Variants in TRMT1 observed in about 807,000 individuals in gnomAD.
The protein encoded by TRMT1 is tRNA (guanine(26)-N(2))-dimethyltransferase.
A neutral mutation model predicts 75.4 loss-of-function variants in TRMT1; 63 were observed. The observed-to-expected ratio is 0.84, with a 90% CI of 0.68 to 1.03. The LOEUF is 1.03. Among genes scored for constraint, TRMT1 ranks in the 50% least tolerant of loss-of-function variants. TRMT1 has a pLI of 0.00. For synonymous variants in TRMT1, 382 were observed against 358.1 expected (o/e 1.07, Z -0.75); for missense variants, 870 against 905.3 (o/e 0.96, Z 0.50).
Position 13,105,325 on chromosome 19 carries a change from T to G in TRMT1, c.1775A>C (p.Glu592Ala), listed in dbSNP as rs756288684. The G allele has an allele frequency of 1.2e-6, 2 of 1,614,018 alleles. No homozygotes were observed. Among genetic ancestry groups the G allele is most frequent in the Admixed American group, 3.3e-5 (2 of 60,026 alleles). Residue 592 changes from glutamate (E) to alanine (A), a missense_variant, in exon 16 of 17, where the codon GAA (glutamate) becomes GCA (alanine). Physicochemically the swap from Glu to Ala is moderately radical, Grantham distance 107. Transcript: ENST00000357720. ...LLQNKRKEPP[E>A]DVAQRAARLK... ...CCGGGCAGCCCGCTGGGCCACATCT[T>G]CCGGCGGCTCCTTCCGCTTGTTCTG...
At position 13,107,651 on chromosome 19, in the gene TRMT1, C is replaced by T; in HGVS notation, c.1507-1G>A. The T allele has an allele frequency of 6.2e-7, 1 of 1,604,524 alleles. No homozygotes were observed. Among genetic ancestry groups the T allele is most frequent in the Non-Finnish European group, 8.5e-7 (1 of 1,174,574 alleles). On this transcript the variant is annotated splice_acceptor_variant, in intron 13 of 16. Transcript: ENST00000357720. LOFTEE classifies it high-confidence loss of function. Reference sequence around the variant, plus strand: ...CCCGTTTCACCGGACATTCCTTCTCCTGGGGGCAGAGGTCAGAGGTTAGGG... The same window carrying T: ...CCCGTTTCACCGGACATTCCTTCTCTTGGGGGCAGAGGTCAGAGGTTAGGG...
At chr19:13,112,610 G>A (rs2019183677) in intron 7 of TRMT1, 95 bp downstream of exon 7, 2 of 1,204,652 alleles carry the variant, frequency 1.7e-6, no homozygotes, top group Non-Finnish European at 2.4e-6. Flanking sequence ...GGAGGAAGCT[G>A]AGCAGGTCTG....
intron 7 of TRMT1, 33 bp downstream of exon 7, chr19:13,112,672 G>A (rs775406867): frequency 6.3e-7 from 1 of 1,595,912 alleles, no homozygotes; most frequent in Non-Finnish European, 8.5e-7. Flanking sequence ...CTGTCCCCCG[G>A]TCTCCCTGGC....
intron 12 of TRMT1, among the ~76,000 whole-genome samples, chr19:13,109,110 A>G (rs1054468704): frequency 1.6e-4 from 24 of 147,670 alleles, no homozygotes; most frequent in African/African-American, 5.2e-4. Context: ...GTGTGTGTGT[A>G]TACATACGTA....
intron 1 of TRMT1, 54 bp from the exon 2 acceptor site, chr19:13,116,485 GC>G: frequency 6.6e-7 from 1 of 1,508,690 alleles, no homozygotes; most frequent in Non-Finnish European, 8.8e-7. Context: ...CGCATTCCGG[GC>G]CCGGGGATGT....
rs771371516 is a variant in TRMT1, at chr19:13,110,145, C to A, written c.1019+13G>T. ...TCTCTCAATCCACCACCGCTCTCTG[C>A]CCCCGGGCTGACCTGGCTGAGGCCT... On this transcript the variant is annotated intron_variant, in intron 8 of 16. Transcript: ENST00000357720. 3 of 1,611,756 alleles carry A rather than the reference C, an allele frequency of 1.9e-6. No homozygotes were observed. The Admixed American group carries it at 5.0e-5, about 27-fold the overall frequency.
chr19:13,109,749 C>T lies in TRMT1; in HGVS notation c.1176+20G>A. Reference sequence around the variant, plus strand: ...CTTCAAGACCCTCTTGCTCCTTTGCCTCCCCTGGCCTAGCCCTACCTGGTG... The same window carrying T: ...CTTCAAGACCCTCTTGCTCCTTTGCTTCCCCTGGCCTAGCCCTACCTGGTG... On this transcript the variant is annotated intron_variant, in intron 10 of 16. Coordinates refer to ENST00000357720, the MANE Select transcript of TRMT1 (RefSeq NM_001136035.4). The T allele has an allele frequency of 6.2e-7, 1 of 1,614,090 alleles. No individual in the cohort carries two copies. Among genetic ancestry groups the T allele is most frequent in the Non-Finnish European group, 8.5e-7 (1 of 1,180,008 alleles).
rs995506289 is a variant in TRMT1 at position 13,112,953 on chromosome 19, G to A, written c.700C>T (p.Pro234Ser). 1.9e-6 allele frequency: 3 copies of A among 1,613,820 alleles called. No homozygotes were observed. The African/African-American group carries it at 4.0e-5, about 22-fold the overall frequency. Residue 234 changes from proline to serine, a missense_variant, in exon 6 of 17, where the codon CCC (proline) becomes TCC (serine). Physicochemically the swap from Pro to Ser is moderately conservative, Grantham distance 74. Coordinates refer to ENST00000357720, the MANE Select transcript of TRMT1 (RefSeq NM_001136035.4). ...SERFDVIDLD[P>S]YGSPATFLDA... ...AGGAAGGTGGCTGGGCTGCCATAGG[G>A]GTCCAGATCGATGACGTCAAACCTC...
Position 13,110,246 on chromosome 19 carries a change from C to A in TRMT1, c.931G>T (p.Val311Leu), listed in dbSNP as rs1208523013. 6 of 1,613,156 alleles carry A rather than the reference C, an allele frequency of 3.7e-6. No individual in the cohort carries two copies. Among genetic ancestry groups the A allele is most frequent in the Non-Finnish European group, 5.1e-6 (6 of 1,179,958 alleles). ...TCAGCGCTGATGCTGAGCAGCGGCA[C>A]CACGAAGCGCTGGTAGCAGTTGGCG... ...LRANCYQRFVVPLLSISADFY... is the reference protein window; with the variant it reads ...LRANCYQRFVLPLLSISADFY... Residue 311 changes from valine to leucine, a missense_variant, in exon 8 of 17, where the codon GTG becomes TTG. Transcript: ENST00000357720.
chr19:13,105,528 G>A lies in TRMT1; in HGVS notation c.1662C>T (p.Asn554=). 1.9e-6 allele frequency: 3 copies of A among 1,614,062 alleles called. No homozygotes were observed. The highest frequency in any genetic ancestry group is 1.3e-5 in the African/African-American group (1 of 75,046). The change falls in exon 15 of 17, where the codon AAC becomes AAT. Residue 554 remains asparagine (N), a synonymous_variant. Coordinates refer to ENST00000357720, the MANE Select transcript of TRMT1 (RefSeq NM_001136035.4). ...RQRGLKRFQA[N]PEANWGPRPR... is the part of the protein sequence containing the mutation. Reference sequence around the variant, plus strand: ...GCCGGGGACCCCAGTTGGCCTCCGGGTTAGCCTGGAAGCGCTTGAGTCCTC... The same window carrying A: ...GCCGGGGACCCCAGTTGGCCTCCGGATTAGCCTGGAAGCGCTTGAGTCCTC...
rs1256959354 is a variant in TRMT1, at chr19:13,115,704, TTCC to T, written c.372_374del (p.Glu125del). 6.2e-7 allele frequency: 1 copy of T among 1,613,974 alleles called. No homozygotes were observed. The highest frequency in any genetic ancestry group is 8.5e-7 in the Non-Finnish European group (1 of 1,180,030). Reference sequence around the variant, plus strand: ...TTTCACTCTCTTTCAGTTCAACCTTTTCCTCCTCTTGCTCTGACAAGTCCACGA... The same window carrying T: ...TTTCACTCTCTTTCAGTTCAACCTTTTCCTCTTGCTCTGACAAGTCCACGA... On this transcript the variant is annotated inframe_deletion, in exon 4 of 17. Transcript: ENST00000357720.
chr19:13,114,661 C>T (rs1257361050), intron 5 of TRMT1, among the ~76,000 whole-genome samples: 1 of 143,836 alleles, frequency 7.0e-6, no homozygotes, highest in Non-Finnish European at 1.5e-5. Flanking sequence ...GACTCCGTGT[C>T]AAAAAATAAA....
At chr19:13,105,639 G>A in intron 14 of TRMT1, 33 bp from the exon 15 acceptor site, 3 of 1,589,842 alleles carry the variant, frequency 1.9e-6, no homozygotes, top group South Asian at 2.3e-5. Flanking sequence ...TTGGGGCTGG[G>A]GGAAGCTGCC....
chr19:13,107,914 C>T (rs2018956093), intron 12 of TRMT1, 55 bp from the exon 13 acceptor site: 2 of 1,459,536 alleles, frequency 1.4e-6, no homozygotes, highest in African/African-American at 1.4e-5. Context: ...CCCCAAAGCC[C>T]AAGCTGACCA....
chr19:13,114,963 T>C (rs1020495788), intron 5 of TRMT1, among the ~76,000 whole-genome samples: 1 of 152,254 alleles, frequency 6.6e-6, no homozygotes, highest in African/African-American at 2.4e-5. Flanking sequence ...TTTCCAGTTC[T>C]TGAAAACGGT....
chr19:13,110,124 T>G (rs1463617050), intron 8 of TRMT1, 34 bp downstream of exon 8: 3 of 1,609,718 alleles, frequency 1.9e-6, no homozygotes, highest in Non-Finnish European at 2.5e-6. Context: ...GTCTCCTCTC[T>G]CAATCCACCA....
chr19:13,107,423 A>G, intron 14 of TRMT1, 151 bp downstream of exon 14: 1 of 944,690 alleles, frequency 1.1e-6, no homozygotes, highest in Non-Finnish European at 1.6e-6. Context: ...TACAGGCGTG[A>G]GCCACCTACC....
At position 13,110,241 on chromosome 19, in the gene TRMT1, C is replaced by A; in HGVS notation, c.936G>T (p.Pro312=). The A allele has an allele frequency of 6.2e-7, 1 of 1,613,100 alleles. No individual in the cohort carries two copies. Among genetic ancestry groups the A allele is most frequent in the African/African-American group, 1.3e-5 (1 of 74,980 alleles). ...AGAAGTCAGCGCTGATGCTGAGCAGCGGCACCACGAAGCGCTGGTAGCAGT... is the reference window on the plus strand; with the variant it reads ...AGAAGTCAGCGCTGATGCTGAGCAGAGGCACCACGAAGCGCTGGTAGCAGT... ...RANCYQRFVV[P]LLSISADFYV... The change falls in exon 8 of 17, where the codon CCG becomes CCT. Residue 312 remains proline (P), a synonymous_variant. Transcript: ENST00000357720.
Position 13,111,323 on chromosome 19 carries a change from G to A in TRMT1, c.871-1017C>T, listed in dbSNP as rs141759003. Among the ~76,000 whole-genome samples, 130 of 151,116 alleles carry A rather than the reference G, an allele frequency of 8.6e-4. 3 individuals are homozygous for A. The East Asian group carries it at 0.018, about 21-fold the overall frequency. ...AGTGCTAGGATTACAGGCATGAGCC[G>A]CTGCACTTCGCCACTCAGCCTTCTT... On this transcript the variant is annotated intron_variant, in intron 7 of 16. Coordinates refer to ENST00000357720, the MANE Select transcript of TRMT1 (RefSeq NM_001136035.4).
Sources: allele counts gnomAD v4.1 joint callset (sites outside exome capture counted in the v4.1 genomes callset), GRCh38; gene constraint gnomAD v4.1.1; transcripts MANE v1.5; gene names NCBI Gene and HGNC (gene_info 2026-07-23, HGNC 2026-07-21).